The following ATP8A2 variants were observed in gnomAD, a reference collection of about 807,000 sequenced individuals.
ATP8A2 encodes the protein phospholipid-transporting ATPase IB.
A neutral mutation model predicts 165.6 loss-of-function variants in ATP8A2; 100 were observed. The observed-to-expected ratio is 0.60, with a 90% confidence interval of 0.51 to 0.71. The LOEUF (loss-of-function observed/expected upper bound fraction) is 0.71, where lower values mean the gene tolerates loss of function less well. ATP8A2 is among the 30% of genes least tolerant of loss of function. The pLI is 0.00. For synonymous variants in ATP8A2, 543 were observed against 548.8 expected, an observed-to-expected ratio of 0.99 and a Z score of 0.15; for missense variants, 1,227 against 1,479.5, an observed-to-expected ratio of 0.83 and a Z score of 2.80.
At chr13:25,714,460 C>G (rs2043215118) in intron 25 of ATP8A2, among the ~76,000 whole-genome samples, 1 of 152,152 alleles carries the variant, frequency 6.6e-6, no homozygotes, top group African/African-American at 2.4e-5. Context: ...TAGCATTTAC[C>G]ACTACCTGAC....
chr13:25,941,428 G>A lies in ATP8A2; in HGVS notation c.3184-20147G>A, dbSNP rs188590459. On this transcript the variant is annotated intron_variant, in intron 33 of 36. Coordinates refer to ENST00000381655, the MANE Select transcript of ATP8A2 (RefSeq NM_016529.6). ...TGCATGGCCTAAACCCAAGCACACT[G>A]TTCTCCTGCAGGAAGCACCTCTGTA... is the stretch of plus-strand genomic sequence containing the variant. Among the ~76,000 whole-genome samples, 4 of 152,218 alleles carry A rather than the reference G, an allele frequency of 2.6e-5. No homozygotes were observed. In the East Asian group the frequency reaches 7.7e-4, roughly 29 times the overall value.
chr13:25,978,662 C>T (rs752326853), intron 35 of ATP8A2, among the ~76,000 whole-genome samples: 5 of 152,140 alleles, frequency 3.3e-5, no homozygotes, highest in Non-Finnish European at 7.3e-5. Flanking sequence ...TCAGGAGAGG[C>T]CGGGCGCGGT....
chr13:25,942,704 G>C (rs1204207475), intron 33 of ATP8A2, among the ~76,000 whole-genome samples: 1 of 152,220 alleles, frequency 6.6e-6, no homozygotes, highest in East Asian at 1.9e-4. Flanking sequence ...GATTACAGGC[G>C]TGAGCCACCG....
At chr13:25,454,380 C>T (rs544118127) in intron 1 of ATP8A2, among the ~76,000 whole-genome samples, 8 of 150,808 alleles carry the variant, frequency 5.3e-5, no homozygotes, top group African/African-American at 1.2e-4. Context: ...GGTCCTCTGC[C>T]GAGCAGACAG....
intron 27 of ATP8A2, among the ~76,000 whole-genome samples, chr13:25,823,863 T>A (rs1416838471): frequency 6.6e-6 from 1 of 152,200 alleles, no homozygotes. Flanking sequence ...CCTCTTTTTT[T>A]AAAATACATC....
intron 24 of ATP8A2, among the ~76,000 whole-genome samples, chr13:25,607,532 A>C (rs1260635250): frequency 6.6e-6 from 1 of 152,248 alleles, no homozygotes; most frequent in African/African-American, 2.4e-5. Context: ...CATCAAAGTC[A>C]GTGACCATCT....
chr13:25,608,392 A>G (rs1010909121), intron 24 of ATP8A2, among the ~76,000 whole-genome samples: 1 of 152,220 alleles, frequency 6.6e-6, no homozygotes, highest in Non-Finnish European at 1.5e-5. Context: ...CCCAGGTTGT[A>G]GACATAGGAT....
At chr13:25,614,087 C>T (rs9507534) in intron 24 of ATP8A2, among the ~76,000 whole-genome samples, 21,496 of 152,096 alleles carry the variant, frequency 0.14, 1,823 homozygotes, top group Admixed American at 0.26. Context: ...CTAGCAAAGC[C>T]GGAGAAGTTT....
intron 27 of ATP8A2, among the ~76,000 whole-genome samples, chr13:25,786,530 A>G (rs1333598394): frequency 6.6e-6 from 1 of 152,198 alleles, no homozygotes; most frequent in Non-Finnish European, 1.5e-5. Context: ...ATTAAACTGC[A>G]TGTTGTTTTA....
intron 23 of ATP8A2, among the ~76,000 whole-genome samples, chr13:25,584,683 C>G (rs962692164): frequency 3.3e-5 from 5 of 152,288 alleles, no homozygotes; most frequent in Admixed American, 1.3e-4. Context: ...TCTCAGGGCT[C>G]TTGACTTCTG....
intron 2 of ATP8A2, among the ~76,000 whole-genome samples, chr13:25,516,778 T>C (rs886576083): frequency 1.3e-5 from 2 of 150,670 alleles, no homozygotes; most frequent in Non-Finnish European, 2.9e-5. Context: ...TTCCTTTCTT[T>C]CTTACTTTTT....
chr13:25,866,200 A>C (rs367702842), intron 33 of ATP8A2, among the ~76,000 whole-genome samples: 1 of 152,316 alleles, frequency 6.6e-6, no homozygotes, highest in East Asian at 1.9e-4. Context: ...CCTCTGTTCA[A>C]AAGTCCGGAG....
intron 25 of ATP8A2, among the ~76,000 whole-genome samples, chr13:25,733,274 C>T (rs534806454): frequency 6.6e-6 from 1 of 152,162 alleles, no homozygotes; most frequent in South Asian, 2.1e-4. Flanking sequence ...ATTTCCACCC[C>T]TGACTGCCCA....
In ATP8A2 at chr13:25,551,518, G is replaced by A. The variant is rs1406993494; in HGVS notation, c.1057+15G>A. On this transcript the variant is annotated intron_variant, in intron 11 of 36. Transcript: ENST00000381655. ...CAAGAAGATGGGTAAGTGTCGGGGT[G>A]GGTTGCTTGTTCCAGTGGAAGAAAA... The A allele has an allele frequency of 6.3e-7, 1 of 1,585,448 alleles. No individual in the cohort carries two copies. Among genetic ancestry groups the A allele is most frequent in the African/African-American group, 1.3e-5 (1 of 74,144 alleles).
chr13:25,583,926 C>T lies in ATP8A2; in HGVS notation c.2146+1969C>T, dbSNP rs80212045. ...TTGATCTTTCTTAGCAAGTACTCTCCAAGACCGCTAGAAGATGATGCTTTA... is the reference window on the plus strand; with the variant it reads ...TTGATCTTTCTTAGCAAGTACTCTCTAAGACCGCTAGAAGATGATGCTTTA... On this transcript the variant is annotated intron_variant, in intron 23 of 36. Transcript: ENST00000381655. 3.4e-3 allele frequency among the ~76,000 whole-genome samples: 523 copies of T among 152,276 alleles called. 5 individuals are homozygous for T. Among genetic ancestry groups the T allele is most frequent in the East Asian group, 0.024 (125 of 5,178 alleles).
At chr13:25,444,204 C>G (rs569739891) in intron 1 of ATP8A2, among the ~76,000 whole-genome samples, 10 of 152,230 alleles carry the variant, frequency 6.6e-5, no homozygotes, top group South Asian at 6.2e-4. Context: ...CTTTTTTGGT[C>G]TGACTTCTTT....
chr13:25,716,517 G>A (rs1056658784), intron 25 of ATP8A2, among the ~76,000 whole-genome samples: 3 of 152,180 alleles, frequency 2.0e-5, no homozygotes, highest in African/African-American at 7.2e-5. Context: ...TAAAGGTCCA[G>A]TTTCATGCTT....
At chr13:25,848,758 T>C (rs1168421299) in intron 30 of ATP8A2, among the ~76,000 whole-genome samples, 1 of 152,192 alleles carries the variant, frequency 6.6e-6, no homozygotes, top group African/African-American at 2.4e-5. Flanking sequence ...CCTCCGATAC[T>C]TTATACTACT....
At chr13:25,374,517 G>T (rs1394330649) in intron 1 of ATP8A2, among the ~76,000 whole-genome samples, 1 of 152,204 alleles carries the variant, frequency 6.6e-6, no homozygotes, top group Non-Finnish European at 1.5e-5. Flanking sequence ...CAGTCTGACG[G>T]CATGAACATC....
Sources: gnomAD v4.1 joint callset for allele counts (sites outside exome capture counted in the v4.1 genomes callset) on GRCh38, gnomAD v4.1.1 for gene constraint, MANE v1.5 for transcripts, NCBI Gene and HGNC (gene_info 2026-07-23, HGNC 2026-07-21) for gene names.